The following DPP10 variants were observed in gnomAD, a reference collection of about 807,000 sequenced individuals.
The protein encoded by DPP10 is inactive dipeptidyl peptidase 10.
In DPP10, 33 loss-of-function variants were observed where a neutral mutation model predicts 120.9. That is an observed-to-expected ratio of 0.27 (90% CI 0.21 to 0.37). DPP10 has a LOEUF of 0.37. Ranked by LOEUF, DPP10 falls within the 10% of genes least tolerant of loss-of-function variation. The probability of loss-of-function intolerance (pLI) is 1.00; values close to 1 mark genes in which losing one functional copy is unlikely to be tolerated. For synonymous variants in DPP10, 337 were observed against 326.1 expected (o/e 1.03, Z -0.36); for missense variants, 816 against 942.8 (o/e 0.87, Z 1.76).
chr2:115,435,344 A>C (rs184907483), intron 3 of DPP10, among the ~76,000 whole-genome samples: 3 of 151,684 alleles, frequency 2.0e-5, no homozygotes, highest in African/African-American at 7.2e-5. Flanking sequence ...CTTTCTCCAC[A>C]TCCTCGTTAC....
intron 19 of DPP10, among the ~76,000 whole-genome samples, chr2:115,804,881 G>C (rs188092909): frequency 8.5e-5 from 13 of 152,308 alleles, no homozygotes; most frequent in Non-Finnish European, 1.2e-4. Flanking sequence ...GGGGGTCAGG[G>C]ACCCACTTGA....
At chr2:114,724,483 G>C (rs1701912159) in intron 1 of DPP10, among the ~76,000 whole-genome samples, 1 of 152,156 alleles carries the variant, frequency 6.6e-6, no homozygotes, top group South Asian at 2.1e-4. Flanking sequence ...GTAAAAGGCA[G>C]GTTGATTTTT....
chr2:115,163,140 A>AT (rs1351718285), intron 1 of DPP10, among the ~76,000 whole-genome samples: 2 of 152,004 alleles, frequency 1.3e-5, no homozygotes, highest in Admixed American at 1.3e-4. Context: ...CTAGCGTGGG[A>AT]TAGAGGGAGC....
intron 1 of DPP10, among the ~76,000 whole-genome samples, chr2:115,276,684 G>A (rs2059933476): frequency 6.6e-6 from 1 of 152,198 alleles, no homozygotes; most frequent in African/African-American, 2.4e-5. Flanking sequence ...GATATCCAAT[G>A]AGATACAATC....
intron 3 of DPP10, among the ~76,000 whole-genome samples, chr2:115,412,456 A>C (rs2069025940): frequency 6.6e-6 from 1 of 152,218 alleles, no homozygotes; most frequent in South Asian, 2.1e-4. Context: ...AACAAAAAGA[A>C]ACACTCTGTA....
intron 1 of DPP10, among the ~76,000 whole-genome samples, chr2:114,629,994 C>CACCATACTATAAG (rs1211829630): frequency 6.6e-6 from 1 of 151,970 alleles, no homozygotes; most frequent in Non-Finnish European, 1.5e-5. Flanking sequence ...TAAGTAAAAA[C>CACCATACTATAAG]ACCATACTAT....
chr2:115,272,004 A>G (rs1022842470), intron 1 of DPP10, among the ~76,000 whole-genome samples: 7 of 152,214 alleles, frequency 4.6e-5, no homozygotes, highest in Admixed American at 3.3e-4. Flanking sequence ...GAGCATACAT[A>G]TTCAGCCATT....
chr2:115,331,933 C>T (rs2062771862), intron 2 of DPP10, among the ~76,000 whole-genome samples: 2 of 152,162 alleles, frequency 1.3e-5, no homozygotes, highest in South Asian at 4.1e-4. Flanking sequence ...ATGATGCTGG[C>T]CTCATAAAGT....
chr2:115,050,610 C>T (rs1306374567), intron 1 of DPP10, among the ~76,000 whole-genome samples: 1 of 152,064 alleles, frequency 6.6e-6, no homozygotes, highest in Non-Finnish European at 1.5e-5. Context: ...GATTGAAATG[C>T]TTTGGGGAAT....
At chr2:115,656,084 G>A (rs1575451182) in intron 5 of DPP10, among the ~76,000 whole-genome samples, 1 of 150,936 alleles carries the variant, frequency 6.6e-6, no homozygotes, top group East Asian at 1.9e-4. Context: ...ACAGTATTGT[G>A]CACTTTAAAA....
intron 1 of DPP10, among the ~76,000 whole-genome samples, chr2:114,452,533 A>G (rs1430782920): frequency 1.3e-5 from 2 of 152,152 alleles, no homozygotes; most frequent in East Asian, 3.8e-4. Context: ...GAAAGGAAAA[A>G]TAGGCAAACG....
chr2:114,570,621 C>A (rs1023208820), intron 1 of DPP10, among the ~76,000 whole-genome samples: 1 of 151,014 alleles, frequency 6.6e-6, no homozygotes. Context: ...GTCAGGAGAT[C>A]GAGACCATCC....
At chr2:115,108,969 T>A (rs767416742) in intron 1 of DPP10, among the ~76,000 whole-genome samples, 22 of 151,480 alleles carry the variant, frequency 1.5e-4, no homozygotes, top group Admixed American at 5.9e-4. Context: ...CACCTCCTCA[T>A]CCATTTGAGC....
intron 5 of DPP10, among the ~76,000 whole-genome samples, chr2:115,603,477 C>A (rs2083477389): frequency 3.3e-5 from 5 of 151,340 alleles, no homozygotes; most frequent in Admixed American, 3.3e-4. Context: ...AGGGTGTAAG[C>A]TCAGGCCCTG....
chr2:115,306,167 A>G (rs148718627), intron 1 of DPP10, among the ~76,000 whole-genome samples: 341 of 152,204 alleles, frequency 2.2e-3, no homozygotes, highest in African/African-American at 7.5e-3. Context: ...AGTTGGATTC[A>G]AACTTACTGG....
At chr2:115,075,676 G>T (rs958404929) in intron 1 of DPP10, among the ~76,000 whole-genome samples, 3 of 150,740 alleles carry the variant, frequency 2.0e-5, no homozygotes, top group Non-Finnish European at 4.4e-5. Flanking sequence ...CCATTTTACT[G>T]CAGGGAAGAA....
intron 1 of DPP10, among the ~76,000 whole-genome samples, chr2:114,484,162 A>G (rs1573460820): frequency 6.6e-6 from 1 of 152,154 alleles, no homozygotes; most frequent in African/African-American, 2.4e-5. Flanking sequence ...GAGCCTGTTC[A>G]ATACCTAAGC....
intron 5 of DPP10, among the ~76,000 whole-genome samples, chr2:115,629,760 A>G (rs917556386): frequency 2.6e-5 from 4 of 152,144 alleles, no homozygotes; most frequent in African/African-American, 9.7e-5. Flanking sequence ...CCATTGGTCT[A>G]TATATCCGTT....
intron 1 of DPP10, among the ~76,000 whole-genome samples, chr2:114,665,238 C>T (rs899965226): frequency 2.1e-4 from 32 of 152,164 alleles, no homozygotes; most frequent in African/African-American, 7.2e-4. Context: ...GAACACCGCA[C>T]CCAAGTTAAA....
Sources: gnomAD v4.1 joint callset for allele counts (sites outside exome capture counted in the v4.1 genomes callset) on GRCh38, gnomAD v4.1.1 for gene constraint, MANE v1.5 for transcripts, NCBI Gene and HGNC (gene_info 2026-07-23, HGNC 2026-07-21) for gene names.